Variants in ITGB5 observed in about 807,000 individuals in gnomAD.
The protein encoded by ITGB5 is integrin beta-5.
In ITGB5, 38 loss-of-function variants were observed where a neutral mutation model predicts 84.8. That is an observed-to-expected ratio of 0.45 (90% CI 0.35 to 0.59). ITGB5 has a LOEUF of 0.59. Ranked by LOEUF, ITGB5 falls within the 20% of genes least tolerant of loss-of-function variation. The pLI is 0.01. For missense variants in ITGB5, 905 were observed against 1,034.5 expected (o/e 0.87, Z 1.72); for synonymous variants, 393 against 414.4 (o/e 0.95, Z 0.63).
intron 8 of ITGB5, among the ~76,000 whole-genome samples, chr3:124,810,816 C>T (rs930952813): frequency 6.6e-6 from 1 of 152,144 alleles, no homozygotes; most frequent in African/African-American, 2.4e-5. Context: ...CCGCAGACGG[C>T]CCTGCGGATT....
intron 14 of ITGB5, 28 bp from the exon 15 acceptor site, chr3:124,763,746 A>T (rs1301010674): frequency 7.5e-7 from 1 of 1,340,786 alleles, no homozygotes; most frequent in South Asian, 1.2e-5. Context: ...GAAGAGGATG[A>T]GGACACATGT....
At chr3:124,791,382 G>A (rs1189460757) in intron 10 of ITGB5, 1 of 152,208 alleles carries the variant, frequency 6.6e-6, no homozygotes, top group African/African-American at 2.4e-5. Context: ...TAACAGAGTT[G>A]TTCAATTGCT....
At chr3:124,788,687 C>T (rs561343110) in intron 10 of ITGB5, among the ~76,000 whole-genome samples, 4 of 152,324 alleles carry the variant, frequency 2.6e-5, no homozygotes, top group Admixed American at 2.6e-4. Context: ...TGAAGCTCTG[C>T]CTGGGGGCTT....
At chr3:124,824,964 C>T (rs564216506) in intron 5 of ITGB5, among the ~76,000 whole-genome samples, 2 of 152,112 alleles carry the variant, frequency 1.3e-5, no homozygotes, top group East Asian at 1.9e-4. Flanking sequence ...TTTGGGAGGC[C>T]GAGGTGGGTG....
intron 1 of ITGB5, among the ~76,000 whole-genome samples, chr3:124,893,128 G>C (rs565310738): frequency 6.6e-6 from 1 of 152,038 alleles, no homozygotes; most frequent in South Asian, 2.1e-4. Context: ...TTTTAGGCTG[G>C]GTGCAGTGGT....
At chr3:124,794,831 G>A (rs2064198530) in intron 10 of ITGB5, among the ~76,000 whole-genome samples, 1 of 151,348 alleles carries the variant, frequency 6.6e-6, no homozygotes, top group African/African-American at 2.4e-5. Flanking sequence ...GAAGGGAGAA[G>A]GGAGGAGAAG....
intron 1 of ITGB5, among the ~76,000 whole-genome samples, chr3:124,899,525 G>A (rs1245943507): frequency 6.6e-6 from 1 of 152,020 alleles, no homozygotes; most frequent in East Asian, 1.9e-4. Context: ...AAGCTGGAGG[G>A]TTCCCAAACA....
intron 3 of ITGB5, among the ~76,000 whole-genome samples, chr3:124,853,386 T>A (rs916161078): frequency 6.6e-6 from 1 of 151,920 alleles, no homozygotes; most frequent in Non-Finnish European, 1.5e-5. Flanking sequence ...AGAACAAGGA[T>A]GCCAGGCTGT....
intron 8 of ITGB5, among the ~76,000 whole-genome samples, chr3:124,811,139 G>C (rs2064495064): frequency 6.6e-6 from 1 of 152,132 alleles, no homozygotes; most frequent in East Asian, 1.9e-4. Flanking sequence ...AACTGGCCAA[G>C]GGTCACAAAA....
At chr3:124,882,935 A>G (rs538599162) in intron 1 of ITGB5, among the ~76,000 whole-genome samples, 15 of 152,358 alleles carry the variant, frequency 9.8e-5, no homozygotes, top group Admixed American at 3.3e-4. Context: ...ATTCAACGGA[A>G]GCAAGAAGCC....
intron 2 of ITGB5, among the ~76,000 whole-genome samples, chr3:124,871,203 CTTT>C (rs537784927): frequency 6.7e-6 from 1 of 148,602 alleles, no homozygotes; most frequent in East Asian, 2.0e-4. Context: ...TGAATTGATT[CTTT>C]TTTTTTGAGA....
intron 1 of ITGB5, among the ~76,000 whole-genome samples, chr3:124,883,885 T>C (rs1934688269): frequency 6.6e-6 from 1 of 152,060 alleles, no homozygotes; most frequent in African/African-American, 2.4e-5. Flanking sequence ...CATAAGATAA[T>C]AAAAAGAGCA....
Position 124,809,025 on chromosome 3 carries a change from G to T in ITGB5, c.1260C>A (p.Asp420Glu), listed in dbSNP as rs2064455102. ...QRKCEGLKIG[D>E]TASFEVSLEA... The stretch of plus-strand genomic sequence containing the variant: ...ACAAACTTGGGGTGAGACTTACCGT[G>T]TCCCCAATCTTCAGACCCTCACACT... Residue 420 changes from aspartate (D) to glutamate (E), a missense_variant, in exon 9 of 15, where the codon GAC becomes GAA. By Grantham distance (45) the Asp-to-Glu change is conservative. This residue lies in a region of ITGB5 where 656 missense variants were observed against 734.7 expected (regional missense o/e 0.89). Transcript: ENST00000296181. 6.2e-7 allele frequency: 1 copy of T among 1,613,984 alleles called. No homozygotes were observed. Among genetic ancestry groups the T allele is most frequent in the East Asian group, 2.2e-5 (1 of 44,882 alleles).
chr3:124,801,161 G>C (rs1288780775), intron 9 of ITGB5, among the ~76,000 whole-genome samples: 1 of 152,204 alleles, frequency 6.6e-6, no homozygotes, highest in Non-Finnish European at 1.5e-5. Flanking sequence ...GGTGCTGTGG[G>C]AAGCCCATGA....
intron 1 of ITGB5, among the ~76,000 whole-genome samples, chr3:124,894,134 C>CTTTTCTTT (rs1553769997): frequency 9.6e-6 from 1 of 104,354 alleles, no homozygotes; most frequent in Non-Finnish European, 1.8e-5. Flanking sequence ...TGATATTTTT[C>CTTTTCTTT]TTTTTTTTTT....
At chr3:124,777,312 G>T (rs2063939928) in intron 10 of ITGB5, among the ~76,000 whole-genome samples, 1 of 152,218 alleles carries the variant, frequency 6.6e-6, no homozygotes, top group Non-Finnish European at 1.5e-5. Flanking sequence ...GTTTCTGGGG[G>T]TGAGCCAGTG....
Position 124,895,636 on chromosome 3 carries a change from T to C in ITGB5, c.-255+5630A>G, listed in dbSNP as rs572592864. 3.5e-3 allele frequency among the ~76,000 whole-genome samples: 537 copies of C among 152,038 alleles called. 1 individual carries two copies. The highest frequency in any genetic ancestry group is 5.8e-3 in the Non-Finnish European group (395 of 67,964). On this transcript the variant is annotated intron_variant, in intron 1 of 4. Transcript: ENST00000608657. ...TTCTGGACCCCTACCCTTCTTGGGG[T>C]GTCATGTTTGGGGCTGGGGTGGGGA...
chr3:124,772,007 T>TC (rs1447847201), intron 11 of ITGB5, among the ~76,000 whole-genome samples: 12 of 151,986 alleles, frequency 7.9e-5, no homozygotes, highest in Admixed American at 2.0e-4. Flanking sequence ...TGACCCCAAC[T>TC]CCCCATTTAC....
At chr3:124,835,000 G>A (rs2064912859) in intron 5 of ITGB5, among the ~76,000 whole-genome samples, 1 of 152,124 alleles carries the variant, frequency 6.6e-6, no homozygotes, top group Admixed American at 6.5e-5. Context: ...TGAAAACAGA[G>A]CCCCAGCCAT....
Sources: allele counts gnomAD v4.1 joint callset (sites outside exome capture counted in the v4.1 genomes callset), GRCh38; gene constraint gnomAD v4.1.1; regional missense constraint gnomAD v4.1.1; transcripts MANE v1.5; gene names NCBI Gene and HGNC (gene_info 2026-07-23, HGNC 2026-07-21).